The following MCFD2 variants were observed in gnomAD, a reference collection of about 807,000 sequenced individuals.
MCFD2 encodes multiple coagulation factor deficiency 2, ER cargo receptor complex subunit.
Under a neutral mutation model 12.8 loss-of-function variants are expected in MCFD2, and 11 were observed. The ratio of observed to expected loss-of-function variants is 0.86; its 90% CI spans 0.54 to 1.42. The LOEUF is 1.42. Ranked by LOEUF, MCFD2 falls within the 40% of genes most tolerant of loss-of-function variation. The pLI, the probability that MCFD2 is intolerant of heterozygous loss-of-function variation, is 0.00. For synonymous variants in MCFD2, 70 were observed against 68.1 expected (o/e 1.03, Z -0.14); for missense variants, 191 against 178.6 (o/e 1.07, Z -0.40).
chr2:46,931,036 T>G (rs574939151), intron 1 of MCFD2, among the ~76,000 whole-genome samples: 11 of 152,318 alleles, frequency 7.2e-5, no homozygotes, highest in African/African-American at 2.6e-4. Flanking sequence ...ACAAAACATT[T>G]TATTAGCAAT....
chr2:46,917,064 C>T (rs13388612), upstream of MCFD2: 16 of 643,966 alleles, frequency 2.5e-5, no homozygotes, highest in Non-Finnish European at 4.1e-5. Context: ...TTGAAAGTTG[C>T]CTAACGCCAC....
At chr2:46,917,406 T>G (rs1668867658), upstream of MCFD2, 2 of 566,532 alleles carry the variant, frequency 3.5e-6, no homozygotes, top group African/African-American at 1.9e-5. Flanking sequence ...ACCCTGCATC[T>G]GCCATTCATC....
intron 1 of MCFD2, among the ~76,000 whole-genome samples, chr2:46,913,255 AC>A (rs1186388420): frequency 1.3e-5 from 2 of 152,170 alleles, no homozygotes; most frequent in Admixed American, 1.3e-4. Flanking sequence ...TACACTGAAA[AC>A]AGGGAATCGG....
In MCFD2 at chr2:46,905,286, A is replaced by G. The variant is rs1558459832; in HGVS notation, c.*177T>C. The G allele has an allele frequency of 1.4e-6, 1 of 695,368 alleles. No individual in the cohort carries two copies. The highest frequency in any genetic ancestry group is 2.8e-5 in the East Asian group (1 of 35,876). 43.1% of individuals were successfully genotyped at this position (695,368 alleles called of 1,614,324 possible). ...GCACTTAGGGACTATTAGATGTCCC[A>G]TTTCTCTTCTCTTTCATTTCTCTTA... is the stretch of plus-strand genomic sequence containing the variant. On this transcript the variant is annotated 3_prime_UTR_variant, in exon 4 of 4. Coordinates refer to ENST00000319466, the MANE Select transcript of MCFD2 (RefSeq NM_139279.6).
At position 46,937,388 on chromosome 2, in the gene MCFD2, A is replaced by G. The variant is rs1403259828; in HGVS notation, c.-8+4184T>C. ...AAGCTCACTTAACTTCAGAATAGAA[A>G]AAAAAAATCTCTATGGTGGATTTTA... On this transcript the variant is annotated intron_variant, in intron 1 of 2. Transcript: ENST00000409147. The surrounding 1 kb of genome is among the most constrained non-coding windows in gnomAD (Gnocchi z 4.0). Among the ~76,000 whole-genome samples the G allele has an allele frequency of 6.6e-6, 1 of 152,160 alleles. No individual in the cohort carries two copies. Among genetic ancestry groups the G allele is most frequent in the African/African-American group, 2.4e-5 (1 of 41,448 alleles).
intron 1 of MCFD2, among the ~76,000 whole-genome samples, chr2:46,915,412 G>A (rs1462593237): frequency 6.6e-6 from 1 of 152,042 alleles, no homozygotes; most frequent in Non-Finnish European, 1.5e-5. Flanking sequence ...CGCTGCTTTT[G>A]GGCCGGGCCA....
chr2:46,905,729 A>G (rs1373994803), intron 3 of MCFD2, 135 bp from the exon 4 acceptor site: 6 of 955,238 alleles, frequency 6.3e-6, no homozygotes, highest in Non-Finnish European at 9.6e-6. Context: ...AAAACAAAAC[A>G]ACAAAATATC....
intron 1 of MCFD2, among the ~76,000 whole-genome samples, chr2:46,923,990 C>A (rs888356907): frequency 2.6e-5 from 4 of 151,978 alleles, no homozygotes; most frequent in Non-Finnish European, 4.4e-5. Flanking sequence ...CCCGCCTCGG[C>A]CTCCCAAAGT....
intron 1 of MCFD2, among the ~76,000 whole-genome samples, chr2:46,933,627 T>C (rs1333749622): frequency 6.6e-6 from 1 of 152,216 alleles, no homozygotes. Context: ...TCTGAGCCAA[T>C]GATCATGGTA....
intron 1 of MCFD2, among the ~76,000 whole-genome samples, chr2:46,935,096 G>A (rs1431617564): frequency 6.6e-6 from 1 of 152,092 alleles, no homozygotes; most frequent in African/African-American, 2.4e-5. Context: ...ACCACGCCGA[G>A]CCCTAAGACT....
At chr2:46,922,857 C>T (rs1669178055) in intron 1 of MCFD2, among the ~76,000 whole-genome samples, 1 of 152,188 alleles carries the variant, frequency 6.6e-6, no homozygotes, top group African/African-American at 2.4e-5. Flanking sequence ...TCAGAAACCG[C>T]AGGTTGAGGG....
At chr2:46,935,456 T>C (rs1388448277) in intron 1 of MCFD2, among the ~76,000 whole-genome samples, 6 of 152,206 alleles carry the variant, frequency 3.9e-5, no homozygotes, top group African/African-American at 7.2e-5. Context: ...ACTTCATAAC[T>C]ATTCCAACTT....
chr2:46,918,143 C>G (rs1476355993), upstream of MCFD2, among the ~76,000 whole-genome samples: 1 of 152,224 alleles, frequency 6.6e-6, no homozygotes, highest in African/African-American at 2.4e-5. Context: ...GCATCTCAAA[C>G]TTAATGTGTC....
At chr2:46,936,512 A>G (rs1475037025) in intron 1 of MCFD2, among the ~76,000 whole-genome samples, 2 of 152,146 alleles carry the variant, frequency 1.3e-5, no homozygotes, top group Non-Finnish European at 2.9e-5. Context: ...AGGTCTAGCT[A>G]TGAGGCTGGG....
At chr2:46,912,076 C>T (rs1337560770) in intron 1 of MCFD2, among the ~76,000 whole-genome samples, 1 of 152,196 alleles carries the variant, frequency 6.6e-6, no homozygotes, top group African/African-American at 2.4e-5. Context: ...TGGCTCACAT[C>T]TATGATCCCA....
intron 1 of MCFD2, among the ~76,000 whole-genome samples, chr2:46,929,350 G>T (rs1398182854): frequency 6.6e-6 from 1 of 152,062 alleles, no homozygotes; most frequent in Admixed American, 6.6e-5. Context: ...ACCTGGCTGT[G>T]GTGGTACACA....
chr2:46,929,322 AG>A (rs1669570936), intron 1 of MCFD2, among the ~76,000 whole-genome samples: 1 of 152,102 alleles, frequency 6.6e-6, no homozygotes, highest in Non-Finnish European at 1.5e-5. Flanking sequence ...CCATGTCTAT[AG>A]GAAAAATTTA....
Position 46,908,890 on chromosome 2 carries a change from G to C in MCFD2, c.149+133C>G. 1 of 1,196,056 alleles carries C rather than the reference G, an allele frequency of 8.4e-7. No homozygotes were observed. The highest frequency in any genetic ancestry group is 1.2e-6 in the Non-Finnish European group (1 of 807,514). The allele number at this position is 1,196,056 out of a possible 1,614,324, so 74.1% of individuals were successfully genotyped here. A position where few individuals can be genotyped will look rare whatever the true frequency, so the allele number is the denominator to read the frequency against. On this transcript the variant is annotated intron_variant, in intron 2 of 3. Transcript: ENST00000319466. The surrounding 1 kb of genome is among the most constrained non-coding windows in gnomAD (Gnocchi z 4.5). ...ACTTATAGGTGGCAATAAGGAATAAGAATCATCCTTGAAGAATGTCAAGGA... is the reference window on the plus strand; with the variant it reads ...ACTTATAGGTGGCAATAAGGAATAACAATCATCCTTGAAGAATGTCAAGGA...
upstream of MCFD2, among the ~76,000 whole-genome samples, chr2:46,918,223 C>G (rs1394177968): frequency 6.6e-6 from 1 of 152,218 alleles, no homozygotes. Flanking sequence ...GTAAATGTCA[C>G]TGGTACTCAT....
Sources: gnomAD v4.1 joint callset for allele counts (sites outside exome capture counted in the v4.1 genomes callset) on GRCh38, gnomAD v4.1.1 for gene constraint, Gnocchi (gnomAD v3.1) non-coding constraint, MANE v1.5 for transcripts, NCBI Gene and HGNC (gene_info 2026-07-23, HGNC 2026-07-21) for gene names.